Variants in SCUBE1 observed in about 807,000 individuals in gnomAD.
SCUBE1 encodes the protein signal peptide, CUB and EGF-like domain-containing protein 1.
A neutral mutation model predicts 124.4 loss-of-function variants in SCUBE1; 59 were observed. That is an observed-to-expected ratio of 0.47 (90% confidence interval 0.38 to 0.59). SCUBE1 has a LOEUF of 0.59. SCUBE1 is among the 20% of genes least tolerant of loss of function. SCUBE1 has a pLI of 0.00. For missense variants in SCUBE1, 1,150 were observed against 1,371.2 expected, an observed-to-expected ratio of 0.84 and a Z score of 2.55; for synonymous variants, 545 against 550.9, an observed-to-expected ratio of 0.99 and a Z score of 0.15.
intron 10 of SCUBE1, among the ~76,000 whole-genome samples, chr22:43,226,378 CCTCA>C (rs1922304249): frequency 6.6e-6 from 1 of 152,114 alleles, no homozygotes; most frequent in African/African-American, 2.4e-5. Context: ...ATGGGGCAGG[CCTCA>C]CTCACAGACC....
At chr22:43,247,509 C>T (rs759662142) in intron 6 of SCUBE1, among the ~76,000 whole-genome samples, 7 of 152,228 alleles carry the variant, frequency 4.6e-5, no homozygotes, top group Non-Finnish European at 1.0e-4. Flanking sequence ...GGCTGAGCAA[C>T]CTGAAACCAC....
intron 6 of SCUBE1, among the ~76,000 whole-genome samples, chr22:43,247,778 C>T (rs765131868): frequency 1.2e-4 from 19 of 152,330 alleles, no homozygotes; most frequent in East Asian, 1.2e-3. Flanking sequence ...CAGAGGGGCC[C>T]GGTCGGGCCT....
At chr22:43,334,794 T>C (rs537859504) in intron 2 of SCUBE1, among the ~76,000 whole-genome samples, 1 of 152,272 alleles carries the variant, frequency 6.6e-6, no homozygotes, top group South Asian at 2.1e-4. Context: ...CCAAGCTATG[T>C]TCAAAGGCTT....
intron 3 of SCUBE1, among the ~76,000 whole-genome samples, chr22:43,301,808 G>A (rs1364526282): frequency 2.6e-5 from 4 of 152,224 alleles, no homozygotes; most frequent in Non-Finnish European, 4.4e-5. Flanking sequence ...GTATGTCTGC[G>A]GACTGGATAA....
intron 2 of SCUBE1, among the ~76,000 whole-genome samples, chr22:43,322,275 G>T (rs867643531): frequency 6.6e-6 from 1 of 152,140 alleles, no homozygotes; most frequent in African/African-American, 2.4e-5. Flanking sequence ...AAGCCACCTC[G>T]TCCGGCATAG....
In SCUBE1 at chr22:43,254,744, C is replaced by A. The variant is rs549438266; in HGVS notation, c.727+3475G>T. 6.0e-4 allele frequency among the ~76,000 whole-genome samples: 91 copies of A among 152,372 alleles called. 1 individual carries two copies. The highest frequency in any genetic ancestry group is 2.2e-3 in the African/African-American group (90 of 41,584). On this transcript the variant is annotated intron_variant, in intron 6 of 21. Transcript: ENST00000360835. ...GCTACGCTCAGGAGGTCTTGGGCAG[C>A]TGGCAAAGCCCAGAGGCCAGCAAAA...
At chr22:43,320,093 CAGA>C (rs777896400) in intron 2 of SCUBE1, 28 bp from the exon 3 acceptor site, 75 of 1,612,492 alleles carry the variant, frequency 4.7e-5, no homozygotes, top group Non-Finnish European at 6.2e-5. Flanking sequence ...TGAGAGGTGT[CAGA>C]AGAAGAGCCT....
At chr22:43,253,536 C>A (rs1923540606) in intron 6 of SCUBE1, among the ~76,000 whole-genome samples, 1 of 152,112 alleles carries the variant, frequency 6.6e-6, no homozygotes, top group Non-Finnish European at 1.5e-5. Context: ...AGGGTCCCCA[C>A]CCAGATGCCT....
In SCUBE1 at chr22:43,208,201, A is replaced by G; in HGVS notation, c.2605T>C (p.Tyr869His). The G allele has an allele frequency of 6.2e-7, 1 of 1,614,054 alleles. No homozygotes were observed. The highest frequency in any genetic ancestry group is 8.5e-7 in the Non-Finnish European group (1 of 1,179,970). Reference protein sequence around the residue: ...KSASPTSITTYETCQTYERPI... With the variant: ...KSASPTSITTHETCQTYERPI... Reference sequence around the variant, plus strand: ...CTCTCGTAGGTCTGGCAGGTCTCATAGGTGGTGATGGACGTGGGAGAGGCT... The same window carrying G: ...CTCTCGTAGGTCTGGCAGGTCTCATGGGTGGTGATGGACGTGGGAGAGGCT... The change falls in exon 20 of 22, where the codon TAT becomes CAT. Residue 869 changes from tyrosine to histidine, a missense_variant. Transcript: ENST00000360835.
At chr22:43,282,492 A>G (rs1177443503) in intron 4 of SCUBE1, 1 of 152,140 alleles carries the variant, frequency 6.6e-6, no homozygotes, top group Non-Finnish European at 1.5e-5. Flanking sequence ...GTTGCTGTCC[A>G]CCAAGGTCTG....
chr22:43,258,990 G>T lies in SCUBE1; in HGVS notation c.611-655C>A, dbSNP rs550448712. 6.6e-6 allele frequency among the ~76,000 whole-genome samples: 1 copy of T among 152,152 alleles called. No homozygotes were observed. The highest frequency in any genetic ancestry group is 1.9e-4 in the East Asian group (1 of 5,204). On this transcript the variant is annotated intron_variant, in intron 5 of 21. Coordinates refer to ENST00000360835, the MANE Select transcript of SCUBE1 (RefSeq NM_173050.5). The surrounding 1 kb of genome is among the most constrained non-coding windows in gnomAD (Gnocchi z 5.0). ...TGAAAATCACCTAAATAATAACCAC[G>T]TTACATTGTTTTCGATGCCTGTGGC...
intron 16 of SCUBE1, among the ~76,000 whole-genome samples, chr22:43,212,870 C>T (rs1227752599): frequency 6.6e-6 from 1 of 152,158 alleles, no homozygotes; most frequent in East Asian, 1.9e-4. Context: ...GAGCAAGAGG[C>T]CTTGCTGCTG....
chr22:43,309,078 C>T (rs1926081571), intron 3 of SCUBE1, among the ~76,000 whole-genome samples: 1 of 152,140 alleles, frequency 6.6e-6, no homozygotes, highest in South Asian at 2.1e-4. Flanking sequence ...GGAGCAGGGC[C>T]CAGGCAAAGG....
chr22:43,270,880 CA>C (rs1924266484), intron 4 of SCUBE1, among the ~76,000 whole-genome samples: 1 of 152,206 alleles, frequency 6.6e-6, no homozygotes, highest in Non-Finnish European at 1.5e-5. Context: ...ACCCAGTGCC[CA>C]AAGGGTTAGG....
At chr22:43,215,757 C>A (rs959553666) in intron 15 of SCUBE1, among the ~76,000 whole-genome samples, 20 of 152,048 alleles carry the variant, frequency 1.3e-4, no homozygotes, top group African/African-American at 4.6e-4. Flanking sequence ...ACTGAAGGAG[C>A]CTGAAGACAC....
At chr22:43,303,611 T>C (rs2146766012) in intron 3 of SCUBE1, among the ~76,000 whole-genome samples, 1 of 152,382 alleles carries the variant, frequency 6.6e-6, no homozygotes, top group South Asian at 2.1e-4. Context: ...GCTGAGGCAC[T>C]GGCACGCTCG....
chr22:43,321,582 G>A (rs1264414336), intron 2 of SCUBE1, among the ~76,000 whole-genome samples: 1 of 151,512 alleles, frequency 6.6e-6, no homozygotes, highest in South Asian at 2.1e-4. Flanking sequence ...AGCCACTCTT[G>A]GTGTCCGTGC....
intron 4 of SCUBE1, among the ~76,000 whole-genome samples, chr22:43,285,215 G>A (rs764052136): frequency 2.0e-5 from 3 of 152,092 alleles, no homozygotes; most frequent in African/African-American, 4.8e-5. Flanking sequence ...CAACCACATG[G>A]TCCACCAGCC....
At chr22:43,283,701 G>A (rs1925017761) in intron 4 of SCUBE1, 2 of 152,264 alleles carry the variant, frequency 1.3e-5, no homozygotes, top group African/African-American at 4.8e-5. Flanking sequence ...CGGTCTGGAT[G>A]TTAAACTCTA....
Sources: allele counts gnomAD v4.1 joint callset (sites outside exome capture counted in the v4.1 genomes callset), GRCh38; gene constraint gnomAD v4.1.1; non-coding constraint Gnocchi (gnomAD v3.1); transcripts MANE v1.5; gene names NCBI Gene and HGNC (gene_info 2026-07-23, HGNC 2026-07-21).